Variants in TBCD observed in about 807,000 individuals in gnomAD.
The protein encoded by TBCD is tubulin-specific chaperone D.
A neutral mutation model predicts 169.3 loss-of-function variants in TBCD; 105 were observed. The ratio of observed to expected loss-of-function variants is 0.62; its 90% CI spans 0.53 to 0.73. The LOEUF (loss-of-function observed/expected upper bound fraction) is 0.73. Ranked by LOEUF, TBCD falls within the 30% of genes least tolerant of loss-of-function variation. The pLI is 0.00. For missense variants in TBCD, 1,444 were observed against 1,600.1 expected (o/e 0.90, Z 1.66); for synonymous variants, 700 against 643.9 (o/e 1.09, Z -1.32).
At position 82,941,494 on chromosome 17, in the gene TBCD, C is replaced by T. The variant is rs1404952087; in HGVS notation, c.3564+11C>T. 1 of 1,581,172 alleles carries T rather than the reference C, an allele frequency of 6.3e-7. No individual in the cohort carries two copies. The highest frequency in any genetic ancestry group is 1.3e-5 in the African/African-American group (1 of 74,400). On this transcript the variant is annotated intron_variant, in intron 38 of 38. Coordinates refer to ENST00000355528, the MANE Select transcript of TBCD (RefSeq NM_005993.5). ...CAGCTGGTGCCCCAGGTAACCCTGT[C>T]ACCTTCACAGCATGAGGTGCCTGTG...
At chr17:82,819,429 G>A (rs1012601105) in intron 13 of TBCD, among the ~76,000 whole-genome samples, 1 of 152,180 alleles carries the variant, frequency 6.6e-6, no homozygotes, top group South Asian at 2.1e-4. Context: ...TGTGCTGTAA[G>A]CCTATTTCTT....
intron 19 of TBCD, among the ~76,000 whole-genome samples, chr17:82,905,122 G>A (rs1428495863): frequency 6.6e-6 from 1 of 152,174 alleles, no homozygotes; most frequent in African/African-American, 2.4e-5. Flanking sequence ...TGTGCTTTCT[G>A]AGCAAACTCA....
At chr17:82,821,962 T>C (rs1004615011) in intron 13 of TBCD, among the ~76,000 whole-genome samples, 4 of 152,186 alleles carry the variant, frequency 2.6e-5, no homozygotes, top group Non-Finnish European at 4.4e-5. Context: ...TTTTGAAAAA[T>C]GTACAGAGTT....
chr17:82,797,810 T>A lies in TBCD; in HGVS notation c.817+8T>A. ...AAGACTGTTTGCCCTATGGTAAGGT[T>A]TATTTTTAAGAGACGATATCTTTGT... On this transcript the variant is annotated splice_region_variant and intron_variant, in intron 8 of 38. Coordinates refer to ENST00000355528, the MANE Select transcript of TBCD (RefSeq NM_005993.5). 6.4e-7 allele frequency: 1 copy of A among 1,574,136 alleles called. No homozygotes were observed. Among genetic ancestry groups the A allele is most frequent in the Non-Finnish European group, 8.6e-7 (1 of 1,166,974 alleles).
Position 82,923,382 on chromosome 17 carries a change from C to G in TBCD, c.2179-270C>G, listed in dbSNP as rs1312344472. Among the ~76,000 whole-genome samples, 1 of 152,180 alleles carries G rather than the reference C, an allele frequency of 6.6e-6. No homozygotes were observed. The highest frequency in any genetic ancestry group is 2.4e-5 in the African/African-American group (1 of 41,454). On this transcript the variant is annotated intron_variant, in intron 25 of 38. Coordinates refer to ENST00000355528, the MANE Select transcript of TBCD (RefSeq NM_005993.5). This position sits in a 1 kb window ranked among gnomAD's most constrained non-coding sequence, Gnocchi z 4.6. ...TTTTGGTTTGGTTCGAAAGTCATTG[C>G]TGTGCCGAGATCTCAGGGTGACCCG... is the stretch of plus-strand genomic sequence containing the variant.
intron 2 of TBCD, among the ~76,000 whole-genome samples, chr17:82,761,973 C>T (rs1382142695): frequency 1.5e-4 from 23 of 151,400 alleles, no homozygotes; most frequent in African/African-American, 5.1e-4. Flanking sequence ...GTGATCCGCC[C>T]GCCTCAGCCT....
At chr17:82,850,260 G>GTGC (rs2145638846) in intron 13 of TBCD, among the ~76,000 whole-genome samples, 1 of 143,504 alleles carries the variant, frequency 7.0e-6, no homozygotes, top group African/African-American at 2.7e-5. Context: ...GTTGTTGGCT[G>GTGC]TGTTGTTGTT....
chr17:82,769,091 A>G (rs1023353946), intron 5 of TBCD, among the ~76,000 whole-genome samples: 1 of 152,212 alleles, frequency 6.6e-6, no homozygotes, highest in Non-Finnish European at 1.5e-5. Context: ...TGAGTGTTTG[A>G]CACACATTTA....
Position 82,927,919 on chromosome 17 carries a change from C to T in TBCD, c.2624C>T (p.Ala875Val). 6.2e-7 allele frequency: 1 copy of T among 1,613,592 alleles called. No homozygotes were observed. Among genetic ancestry groups the T allele is most frequent in the Non-Finnish European group, 8.5e-7 (1 of 1,179,774 alleles). The change falls in exon 30 of 39, where the codon GCC (alanine) becomes GTC (valine). Residue 875 changes from alanine to valine, a missense_variant. Ala to Val is a moderately conservative substitution (Grantham distance 64, BLOSUM62 0). Transcript: ENST00000355528. ...TGTCCCATCAGGGTCCGCAAGGCCG[C>T]CATGACCAGTCTGATGGATCTGACA... ...GDVGTWVRKAAMTSLMDLTLL... is the reference protein window; with the variant it reads ...GDVGTWVRKAVMTSLMDLTLL...
intron 11 of TBCD, among the ~76,000 whole-genome samples, chr17:82,808,263 G>T (rs1224548197): frequency 6.6e-6 from 1 of 152,108 alleles, no homozygotes; most frequent in Non-Finnish European, 1.5e-5. Flanking sequence ...TGAAGTGTCG[G>T]GGAGGCCCCT....
At position 82,920,557 on chromosome 17, in the gene TBCD, G is replaced by C. The variant is rs189956683; in HGVS notation, c.2040G>C (p.Val680=). ...TATCCTTTTTTTTTTTTTTTCCAGT[G>C]TGTGTTTTAATAGAAAAGTTGTCAC... ...GLGGQLMRQA[V]CVLIEKLSLS... Residue 680 remains valine, a splice_region_variant and synonymous_variant, in exon 24 of 39, where the codon GTG becomes GTC. Coordinates refer to ENST00000355528, the MANE Select transcript of TBCD (RefSeq NM_005993.5). The surrounding 1 kb of genome is among the most constrained non-coding windows in gnomAD (Gnocchi z 4.1). 1.3e-6 allele frequency: 2 copies of C among 1,517,786 alleles called. No individual in the cohort carries two copies. Among genetic ancestry groups the C allele is most frequent in the Non-Finnish European group, 1.8e-6 (2 of 1,134,614 alleles). 94.0% of individuals were successfully genotyped at this position (1,517,786 alleles called of 1,614,324 possible).
At chr17:82,916,079 T>G (rs1388090995) in intron 23 of TBCD, among the ~76,000 whole-genome samples, 1 of 152,232 alleles carries the variant, frequency 6.6e-6, no homozygotes, top group East Asian at 1.9e-4. Flanking sequence ...TTCACTGGGA[T>G]TTACCCACAC....
At chr17:82,752,911 C>G (rs1021496722) in intron 1 of TBCD, among the ~76,000 whole-genome samples, 1 of 152,188 alleles carries the variant, frequency 6.6e-6, no homozygotes, top group Non-Finnish European at 1.5e-5. Context: ...AGCAGCCTGT[C>G]CGTTCCGTGG....
chr17:82,790,874 C>T (rs2049672422), intron 7 of TBCD, among the ~76,000 whole-genome samples: 1 of 152,120 alleles, frequency 6.6e-6, no homozygotes, highest in South Asian at 2.1e-4. Flanking sequence ...TCAGACCCCT[C>T]TCTGACCTCA....
rs769691762 is a variant in TBCD at position 82,830,495 on chromosome 17, C to A, written c.1318+15561C>A. On this transcript the variant is annotated intron_variant, in intron 13 of 38. Coordinates refer to ENST00000355528, the MANE Select transcript of TBCD (RefSeq NM_005993.5). ...CCGGGGCCTGTGGGTGGGGCCCCGT[C>A]ACCGTCGAGGCTGCCTGGCTTGGTC... 8.7e-6 allele frequency: 14 copies of A among 1,613,246 alleles called. No homozygotes were observed. In the Admixed American group the frequency reaches 2.3e-4, roughly 27 times the overall value.
At chr17:82,822,558 G>A (rs2052502076) in intron 13 of TBCD, among the ~76,000 whole-genome samples, 1 of 152,200 alleles carries the variant, frequency 6.6e-6, no homozygotes, top group Admixed American at 6.5e-5. Context: ...CCAGATCCTA[G>A]AGGGGCTTCA....
At chr17:82,940,221 G>GCGCACACACACA (rs1356825330) in intron 37 of TBCD, among the ~76,000 whole-genome samples, 139 of 131,812 alleles carry the variant, frequency 1.1e-3, no homozygotes, top group Middle Eastern at 3.9e-3. Flanking sequence ...TTGCACGCGC[G>GCGCACACACACA]CACACACACA....
chr17:82,870,152 CCACTTCTCTGAAGCCT>C, intron 13 of TBCD, 56 bp from the exon 14 acceptor site: 1 of 1,598,592 alleles, frequency 6.3e-7, no homozygotes, highest in East Asian at 2.2e-5. Flanking sequence ...GCCCTGAGCC[CCACTTCTCTGAAGCCT>C]CACGTGTTGC....
intron 20 of TBCD, among the ~76,000 whole-genome samples, chr17:82,906,754 C>G (rs2060275125): frequency 6.6e-6 from 1 of 152,254 alleles, no homozygotes; most frequent in African/African-American, 2.4e-5. Flanking sequence ...GGTATGGGCC[C>G]ACCTCCCGCC....
Sources: allele counts gnomAD v4.1 joint callset (sites outside exome capture counted in the v4.1 genomes callset), GRCh38; gene constraint gnomAD v4.1.1; non-coding constraint Gnocchi (gnomAD v3.1); transcripts MANE v1.5; gene names NCBI Gene and HGNC (gene_info 2026-07-23, HGNC 2026-07-21).